EPHA8: variants seen among roughly 807,000 people sequenced by gnomAD.
The protein encoded by EPHA8 is ephrin type-A receptor 8.
EPHA8 carries 58 observed loss-of-function variants against 103.6 expected under a neutral mutation model. That is an observed-to-expected ratio of 0.56 (90% CI 0.45 to 0.70). The LOEUF (loss-of-function observed/expected upper bound fraction) is 0.70. Among genes scored for constraint, EPHA8 ranks in the 30% least tolerant of loss-of-function variants. The pLI, the probability that EPHA8 is intolerant of heterozygous loss-of-function variation, is 0.00. For missense variants in EPHA8, 1,304 were observed against 1,395.2 expected (o/e 0.93, Z 1.04); for synonymous variants, 559 against 572.5 (o/e 0.98, Z 0.34).
At chr1:22,580,829 C>T (rs895657092) in intron 3 of EPHA8, among the ~76,000 whole-genome samples, 1 of 152,216 alleles carries the variant, frequency 6.6e-6, no homozygotes, top group African/African-American at 2.4e-5. Flanking sequence ...GAGCTGGAGC[C>T]TGAAGACAGG....
At chr1:22,564,424 G>A (rs1043654061) in intron 1 of EPHA8, among the ~76,000 whole-genome samples, 1 of 151,514 alleles carries the variant, frequency 6.6e-6, no homozygotes. Context: ...GAGCGGCTTG[G>A]GGAGGAGAGG....
intron 3 of EPHA8, among the ~76,000 whole-genome samples, chr1:22,583,305 T>C (rs1012428744): frequency 1.3e-5 from 2 of 152,234 alleles, no homozygotes; most frequent in African/African-American, 4.8e-5. Flanking sequence ...AGTATTCTTA[T>C]TAAAGATTAT....
At position 22,593,633 on chromosome 1, in the gene EPHA8, C is replaced by T. The variant is rs1436355220; in HGVS notation, c.1550C>T (p.Ser517Leu). 2.5e-6 allele frequency: 4 copies of T among 1,607,926 alleles called. No individual in the cohort carries two copies. The highest frequency in any genetic ancestry group is 3.4e-6 in the Non-Finnish European group (4 of 1,177,654). ...RYVFQVRART[S>L]AGCGRFSQAM... is the part of the protein sequence containing the mutation. The stretch of plus-strand genomic sequence containing the variant: ...GTGTTCCAGGTCCGAGCCCGCACCT[C>T]AGCAGGCTGTGGCCGCTTCAGCCAG... The change falls in exon 7 of 17, where the codon TCA (serine) becomes TTA (leucine). Residue 517 changes from serine to leucine, a missense_variant. Transcript: ENST00000166244.
chr1:22,577,601 C>T (rs1640746908), intron 3 of EPHA8, among the ~76,000 whole-genome samples: 1 of 152,014 alleles, frequency 6.6e-6, no homozygotes, highest in Non-Finnish European at 1.5e-5. Context: ...TATCAGGGAC[C>T]TGTGTGAGAA....
At chr1:22,578,191 TGTGTGTGCGTGC>T (rs200850863) in intron 3 of EPHA8, among the ~76,000 whole-genome samples, 8,239 of 116,134 alleles carry the variant, frequency 0.071, 256 homozygotes, top group East Asian at 0.12. Flanking sequence ...TGTGCGTGCA[TGTGTGTGCGTGC>T]GAGTGTGTGC....
At chr1:22,580,608 T>G (rs1450062213) in intron 3 of EPHA8, among the ~76,000 whole-genome samples, 2 of 152,214 alleles carry the variant, frequency 1.3e-5, no homozygotes, top group African/African-American at 4.8e-5. Context: ...CAAGCTCTCA[T>G]GGTTACTATC....
In EPHA8 at chr1:22,589,627, C is replaced by T. The variant is rs929361915; in HGVS notation, c.1315+421C>T. The T allele has an allele frequency of 4.4e-5, 54 of 1,232,928 alleles. No individual in the cohort carries two copies. Among genetic ancestry groups the T allele is most frequent in the South Asian group, 6.8e-5 (2 of 29,474 alleles). The allele number at this position is 1,232,928 out of a possible 1,614,324, so 76.4% of individuals were successfully genotyped here. A position where few individuals can be genotyped will look rare whatever the true frequency, so the allele number is the denominator to read the frequency against. ...AATGTCATTAAAAAATAAAATCACTCGGATGATCATTTTCCAGAACAGCTG... is the reference window on the plus strand; with the variant it reads ...AATGTCATTAAAAAATAAAATCACTTGGATGATCATTTTCCAGAACAGCTG... On this transcript the variant is annotated intron_variant, in intron 5 of 16. Coordinates refer to ENST00000166244, the MANE Select transcript of EPHA8 (RefSeq NM_020526.5). This position sits in a 1 kb window ranked among gnomAD's most constrained non-coding sequence, Gnocchi z 4.3.
chr1:22,583,259 C>A (rs1641095725), intron 3 of EPHA8, among the ~76,000 whole-genome samples: 1 of 152,248 alleles, frequency 6.6e-6, no homozygotes, highest in Non-Finnish European at 1.5e-5. Context: ...CCCGGCCCAG[C>A]CTCCAGGTCT....
intron 7 of EPHA8, 40 bp downstream of exon 7, chr1:22,593,726 G>A: frequency 4.0e-6 from 6 of 1,503,728 alleles, no homozygotes; most frequent in South Asian, 1.3e-5. Flanking sequence ...AGCAGCCCAG[G>A]TGCCAGGACC....
In EPHA8 at chr1:22,591,330, TC is replaced by T. The variant is rs1458398709; in HGVS notation, c.1316-1994del. Among the ~76,000 whole-genome samples the T allele has an allele frequency of 2.8e-4, 43 of 151,708 alleles. No individual in the cohort carries two copies. In the East Asian group the frequency reaches 7.0e-3, roughly 25 times the overall value. On this transcript the variant is annotated intron_variant, in intron 5 of 16. Transcript: ENST00000166244. ...GTCTTGATCTCCGGAGCCCAAGTGA[TC>T]CTCCCACCTCAGCCTCCCAAGTAGC...
intron 9 of EPHA8, 91 bp downstream of exon 9, chr1:22,596,264 A>G (rs1641515988): frequency 1.5e-6 from 2 of 1,317,618 alleles, no homozygotes; most frequent in Non-Finnish European, 1.1e-6. Context: ...GGAAGGAGGA[A>G]GGTGCCCAGT....
Position 22,593,511 on chromosome 1 carries a change from C to T in EPHA8, c.1441-13C>T, listed in dbSNP as rs200728689. 11 of 1,611,068 alleles carry T rather than the reference C, an allele frequency of 6.8e-6. No individual in the cohort carries two copies. Among genetic ancestry groups the T allele is most frequent in the African/African-American group, 4.0e-5 (3 of 75,048 alleles). Reference sequence around the variant, plus strand: ...CAGCAGGGCAGGGCCCACTGACCACCGTCCCGTGGCAGGACAAGGAGATGC... The same window carrying T: ...CAGCAGGGCAGGGCCCACTGACCACTGTCCCGTGGCAGGACAAGGAGATGC... On this transcript the variant is annotated splice_polypyrimidine_tract_variant and intron_variant, in intron 6 of 16. Transcript: ENST00000166244.
At chr1:22,578,334 G>T (rs1051805799) in intron 3 of EPHA8, among the ~76,000 whole-genome samples, 13 of 150,612 alleles carry the variant, frequency 8.6e-5, no homozygotes, top group East Asian at 3.9e-4. Context: ...GTGTGCATGA[G>T]TGTATGCATG....
intron 5 of EPHA8, among the ~76,000 whole-genome samples, chr1:22,592,316 C>T (rs865789659): frequency 1.3e-5 from 2 of 152,138 alleles, no homozygotes; most frequent in East Asian, 1.9e-4. Context: ...GTGGCCTCAT[C>T]GAATCCTCCC....
At chr1:22,580,161 G>C (rs549579164) in intron 3 of EPHA8, among the ~76,000 whole-genome samples, 82 of 90,058 alleles carry the variant, frequency 9.1e-4, no homozygotes, top group African/African-American at 2.7e-3. Flanking sequence ...TTTTGGAGAC[G>C]GAGTTTTCAC....
chr1:22,584,911 C>T (rs1641146791), intron 3 of EPHA8, among the ~76,000 whole-genome samples: 1 of 152,160 alleles, frequency 6.6e-6, no homozygotes, highest in Admixed American at 6.5e-5. Flanking sequence ...GATCTGCCCA[C>T]GGGGGCCTCC....
chr1:22,569,314 C>T lies in EPHA8; in HGVS notation c.120C>T (p.Ile40=). ...TGAATTTGCTGGACACGTCGACCAT[C>T]CACGGGGACTGGGGCTGGCTCACGT... The part of the protein sequence containing the change: ...GEVNLLDTST[I]HGDWGWLTYP... Residue 40 remains isoleucine (I), a synonymous_variant, in exon 2 of 17, where the codon ATC becomes ATT. Transcript: ENST00000166244. The surrounding 1 kb of genome is among the most constrained non-coding windows in gnomAD (Gnocchi z 4.5). 2.5e-6 allele frequency: 4 copies of T among 1,610,710 alleles called. No individual in the cohort carries two copies. The highest frequency in any genetic ancestry group is 3.4e-6 in the Non-Finnish European group (4 of 1,178,424).
At chr1:22,579,488 G>A (rs551943053) in intron 3 of EPHA8, among the ~76,000 whole-genome samples, 1 of 151,504 alleles carries the variant, frequency 6.6e-6, no homozygotes, top group Non-Finnish European at 1.5e-5. Flanking sequence ...GTGAGTGTAT[G>A]TCTGCATGGT....
intron 2 of EPHA8, among the ~76,000 whole-genome samples, chr1:22,572,940 C>T (rs1640583390): frequency 6.6e-6 from 1 of 152,228 alleles, no homozygotes; most frequent in Non-Finnish European, 1.5e-5. Flanking sequence ...TAGGCCAGAC[C>T]ATTGGCCCCG....
Sources: gnomAD v4.1 joint callset for allele counts (sites outside exome capture counted in the v4.1 genomes callset) on GRCh38, gnomAD v4.1.1 for gene constraint, Gnocchi (gnomAD v3.1) non-coding constraint, MANE v1.5 for transcripts, NCBI Gene and HGNC (gene_info 2026-07-23, HGNC 2026-07-21) for gene names.